Variants in GLT1D1 observed in about 807,000 individuals in gnomAD.
GLT1D1 encodes glycosyltransferase 1 domain-containing protein 1.
A neutral mutation model predicts 28.7 loss-of-function variants in GLT1D1; 21 were observed. That is an observed-to-expected ratio of 0.73 (90% CI 0.52 to 1.05). The LOEUF (loss-of-function observed/expected upper bound fraction) is 1.05. Ranked by LOEUF, GLT1D1 falls within the 50% of genes least tolerant of loss-of-function variation. The probability of loss-of-function intolerance (pLI) is 0.00; values close to 1 mark genes in which losing one functional copy is unlikely to be tolerated. For missense variants in GLT1D1, 343 were observed against 330.6 expected (o/e 1.04, Z -0.29); for synonymous variants, 147 against 124.8 (o/e 1.18, Z -1.19).
intron 1 of GLT1D1, among the ~76,000 whole-genome samples, chr12:128,874,736 G>A (rs746063006): frequency 1.1e-4 from 16 of 151,858 alleles, no homozygotes; most frequent in African/African-American, 2.7e-4. Context: ...TGTCTGCCTC[G>A]AACTCTCAAA....
chr12:128,886,726 C>G (rs904281164), intron 2 of GLT1D1, among the ~76,000 whole-genome samples: 1 of 151,896 alleles, frequency 6.6e-6, no homozygotes, highest in Admixed American at 6.6e-5. Context: ...GATAGTCTAC[C>G]GTAATACCCC....
At chr12:128,974,427 C>T (rs1373558703) in intron 7 of GLT1D1, among the ~76,000 whole-genome samples, 1 of 152,168 alleles carries the variant, frequency 6.6e-6, no homozygotes, top group African/African-American at 2.4e-5. Context: ...ACAGGTTCTC[C>T]GACGGTCAGT....
intron 4 of GLT1D1, 113 bp downstream of exon 4, chr12:128,899,400 C>T (rs916662853): frequency 4.6e-5 from 39 of 845,038 alleles, no homozygotes; most frequent in Admixed American, 2.5e-4. Context: ...GTGCCTGTTG[C>T]GGCCACAATA....
At position 128,947,350 on chromosome 12, in the gene GLT1D1, A is replaced by G; in HGVS notation, c.432A>G (p.Val144=). Residue 144 remains valine (V), a synonymous_variant, in exon 6 of 8, where the codon GTA becomes GTG. Coordinates refer to ENST00000281703, the MANE Select transcript of GLT1D1 (RefSeq NM_144669.3). ...CTTTGTGTTTCAGAGCCGCTGGGGT[A>G]CGATTGATTGGAGAGATGCCTCAAG... 6.2e-7 allele frequency: 1 copy of G among 1,614,022 alleles called. No homozygotes were observed. The highest frequency in any genetic ancestry group is 8.5e-7 in the Non-Finnish European group (1 of 1,179,980).
intron 6 of GLT1D1, among the ~76,000 whole-genome samples, chr12:128,949,864 G>A (rs368634428): frequency 1.1e-4 from 16 of 151,598 alleles, no homozygotes; most frequent in Admixed American, 3.3e-4. Flanking sequence ...ACACGTGTAC[G>A]CACACACACA....
chr12:128,874,693 A>G (rs562262045), intron 1 of GLT1D1, among the ~76,000 whole-genome samples: 1 of 152,212 alleles, frequency 6.6e-6, no homozygotes, highest in African/African-American at 2.4e-5. Flanking sequence ...CATATTGACC[A>G]GGCTGGTCTC....
intron 4 of GLT1D1, among the ~76,000 whole-genome samples, chr12:128,921,023 G>A (rs905405721): frequency 1.3e-5 from 2 of 152,156 alleles, no homozygotes; most frequent in Non-Finnish European, 2.9e-5. Flanking sequence ...AGGGGCTTTA[G>A]GGAGCCCGAA....
intron 4 of GLT1D1, among the ~76,000 whole-genome samples, chr12:128,912,009 C>T (rs142536799): frequency 7.0e-4 from 107 of 152,130 alleles, no homozygotes; most frequent in African/African-American, 2.5e-3. Context: ...GCAGTCTTCC[C>T]CTCAGGGATG....
intron 4 of GLT1D1, among the ~76,000 whole-genome samples, chr12:128,934,699 A>T (rs1874360404): frequency 6.6e-6 from 1 of 152,250 alleles, no homozygotes; most frequent in Non-Finnish European, 1.5e-5. Context: ...ACAAGGTCTC[A>T]CTAAGAGAAT....
chr12:128,886,831 T>G (rs1469471770), intron 2 of GLT1D1, among the ~76,000 whole-genome samples: 1 of 152,136 alleles, frequency 6.6e-6, no homozygotes, highest in East Asian at 1.9e-4. Flanking sequence ...CCTTACCATA[T>G]GAGAAAAATC....
chr12:128,944,307 G>A (rs776166729), intron 4 of GLT1D1: 8 of 670,592 alleles, frequency 1.2e-5, no homozygotes, highest in East Asian at 3.2e-5. Context: ...TTTGAGGAAC[G>A]TCAGTTTGGA....
At chr12:128,892,353 GT>G in intron 3 of GLT1D1, among the ~76,000 whole-genome samples, 1 of 152,202 alleles carries the variant, frequency 6.6e-6, no homozygotes, top group African/African-American at 2.4e-5. Context: ...ACACGTTGGG[GT>G]TACCTTGAAA....
intron 1 of GLT1D1, among the ~76,000 whole-genome samples, chr12:128,874,116 C>CCCTTTCTTTCTTTCTT (rs1555261625): frequency 1.7e-5 from 1 of 59,526 alleles, no homozygotes; most frequent in African/African-American, 8.6e-5. Context: ...CTCTCTCTCT[C>CCCTTTCTTTCTTTCTT]TCTCTCTCTC....
intron 4 of GLT1D1, among the ~76,000 whole-genome samples, chr12:128,928,417 C>T (rs1873507600): frequency 6.6e-6 from 1 of 152,134 alleles, no homozygotes; most frequent in Admixed American, 6.5e-5. Context: ...CAGATCAGGA[C>T]CAAACACGTG....
chr12:128,951,586 C>T (rs896985051), intron 6 of GLT1D1, among the ~76,000 whole-genome samples: 6 of 152,108 alleles, frequency 3.9e-5, no homozygotes, highest in South Asian at 4.1e-4. Flanking sequence ...GGGTGCCTGA[C>T]GCTGGCTCTG....
At chr12:128,860,098 CTA>C (rs1387549209) in intron 1 of GLT1D1, among the ~76,000 whole-genome samples, 2 of 152,342 alleles carry the variant, frequency 1.3e-5, no homozygotes, top group African/African-American at 4.8e-5. Context: ...CACCTACACT[CTA>C]GAGATGTCTC....
At chr12:128,908,862 T>G (rs973200669) in intron 4 of GLT1D1, among the ~76,000 whole-genome samples, 27 of 152,180 alleles carry the variant, frequency 1.8e-4, no homozygotes, top group South Asian at 8.3e-4. Context: ...GGCAGGAGAA[T>G]GGCGTGAACC....
At position 128,888,754 on chromosome 12, in the gene GLT1D1, GCGA is replaced by G. The variant is rs759141836; in HGVS notation, c.323+11_323+13del. 22 of 1,534,972 alleles carry G rather than the reference GCGA, an allele frequency of 1.4e-5. No homozygotes were observed. The highest frequency in any genetic ancestry group is 1.8e-5 in the Non-Finnish European group (20 of 1,110,464). On this transcript the variant is annotated intron_variant, in intron 3 of 7. Coordinates refer to ENST00000281703, the MANE Select transcript of GLT1D1 (RefSeq NM_144669.3). ...TTCTTGAGGAAGCCAGGTAATACCT[GCGA>G]GAATTTCATCCATGCCAAACATTTA...
intron 4 of GLT1D1, among the ~76,000 whole-genome samples, chr12:128,923,095 G>A (rs748748996): frequency 3.3e-5 from 5 of 152,058 alleles, no homozygotes; most frequent in African/African-American, 4.8e-5. Context: ...ATTTGCTCCC[G>A]TTGGGTATTA....
Sources: allele counts gnomAD v4.1 joint callset (sites outside exome capture counted in the v4.1 genomes callset), GRCh38; gene constraint gnomAD v4.1.1; transcripts MANE v1.5; gene names NCBI Gene and HGNC (gene_info 2026-07-23, HGNC 2026-07-21).